Variants in SLC38A6 observed in about 807,000 individuals in gnomAD.
SLC38A6 encodes the protein solute carrier family 38 member 6.
SLC38A6 carries 73 observed loss-of-function variants against 65.0 expected under a neutral mutation model. That is an observed-to-expected ratio of 1.12 (90% CI 0.93 to 1.37). The LOEUF (loss-of-function observed/expected upper bound fraction) is 1.37, where lower values mean the gene tolerates loss of function less well. Among genes scored for constraint, SLC38A6 ranks in the 40% most tolerant of loss-of-function variants. The pLI, the probability that SLC38A6 is intolerant of heterozygous loss-of-function variation, is 0.00. For missense variants in SLC38A6, 561 were observed against 531.1 expected, an observed-to-expected ratio of 1.06 and a Z score of -0.55; for synonymous variants, 183 against 178.8, an observed-to-expected ratio of 1.02 and a Z score of -0.19.
intron 4 of SLC38A6, 30 bp downstream of exon 4, chr14:61,015,986 A>G: frequency 1.3e-6 from 2 of 1,570,006 alleles, no homozygotes; most frequent in Non-Finnish European, 1.7e-6. Flanking sequence ...ATTGTGTCCA[A>G]AACCCAAAGT....
chr14:60,996,959 T>C (rs2038339123), intron 3 of SLC38A6, among the ~76,000 whole-genome samples: 1 of 152,206 alleles, frequency 6.6e-6, no homozygotes, highest in East Asian at 1.9e-4. Flanking sequence ...TCAAAAATTT[T>C]TATTCACCCT....
At chr14:61,079,650 T>A (rs945348133) in intron 16 of SLC38A6, among the ~76,000 whole-genome samples, 4 of 152,094 alleles carry the variant, frequency 2.6e-5, no homozygotes, top group African/African-American at 9.7e-5. Flanking sequence ...ATATACAAAT[T>A]CTTGTATATT....
At chr14:61,008,797 TC>T (rs1429157231) in intron 3 of SLC38A6, among the ~76,000 whole-genome samples, 4 of 152,206 alleles carry the variant, frequency 2.6e-5, no homozygotes, top group African/African-American at 9.6e-5. Flanking sequence ...GAACACATTA[TC>T]ATCATTCTAG....
intron 1 of SLC38A6, 61 bp downstream of exon 1, chr14:60,981,443 C>T: frequency 1.3e-6 from 2 of 1,548,074 alleles, no homozygotes; most frequent in Admixed American, 3.9e-5. Flanking sequence ...AAGTGCCTGC[C>T]AAATAAGACC....
intron 15 of SLC38A6, among the ~76,000 whole-genome samples, chr14:61,068,644 G>T (rs1386785416): frequency 6.6e-6 from 1 of 152,208 alleles, no homozygotes; most frequent in Non-Finnish European, 1.5e-5. Context: ...TTATGGTCAT[G>T]ACCGTCTTAT....
intron 3 of SLC38A6, among the ~76,000 whole-genome samples, chr14:60,998,574 G>A (rs1453762268): frequency 6.6e-6 from 1 of 152,186 alleles, no homozygotes; most frequent in East Asian, 1.9e-4. Flanking sequence ...AAATCCGTCT[G>A]TGACCTGATT....
intron 3 of SLC38A6, among the ~76,000 whole-genome samples, chr14:61,012,314 T>G (rs568422363): frequency 6.6e-6 from 1 of 152,190 alleles, no homozygotes; most frequent in South Asian, 2.1e-4. Flanking sequence ...ATCAATTTTG[T>G]TGATCTGTTC....
rs370821477 is a variant in SLC38A6, at chr14:60,982,611, T to G, written c.209T>G (p.Leu70Trp). 444 of 1,612,586 alleles carry G rather than the reference T, an allele frequency of 2.8e-4. 5 individuals are homozygous for G. The South Asian group carries it at 4.7e-3, about 17-fold the overall frequency. The stretch of plus-strand genomic sequence containing the variant: ...GGCATCCTTGGCTTAGCTTATGTTT[T>G]GGCTAATACCGGTGTCTTTGGATTT... Reference protein sequence around the residue: ...GSGILGLAYVLANTGVFGFSF... With the variant: ...GSGILGLAYVWANTGVFGFSF... Residue 70 changes from leucine (L) to tryptophan (W), a missense_variant, in exon 2 of 16, where the codon TTG (leucine) becomes TGG (tryptophan). Physicochemically the swap from Leu to Trp is moderately conservative, Grantham distance 61. Transcript: ENST00000267488.
At chr14:61,061,605 T>C (rs1437548372) in intron 15 of SLC38A6, among the ~76,000 whole-genome samples, 2 of 152,242 alleles carry the variant, frequency 1.3e-5, no homozygotes, top group East Asian at 3.9e-4. Flanking sequence ...CTATAGTATG[T>C]AGCCTTTTCA....
chr14:61,013,805 C>G (rs768228957), intron 3 of SLC38A6, among the ~76,000 whole-genome samples: 59 of 152,194 alleles, frequency 3.9e-4, no homozygotes, highest in Non-Finnish European at 7.5e-4. Flanking sequence ...TTCTCTCTGG[C>G]TGCCCTTAAC....
At chr14:61,008,198 A>G (rs558395314) in intron 3 of SLC38A6, among the ~76,000 whole-genome samples, 4 of 152,198 alleles carry the variant, frequency 2.6e-5, no homozygotes, top group Non-Finnish European at 5.9e-5. Flanking sequence ...AAAGGGCTGT[A>G]TCATTCATGA....
chr14:61,034,975 A>G (rs2041253539), intron 6 of SLC38A6, among the ~76,000 whole-genome samples: 1 of 152,180 alleles, frequency 6.6e-6, no homozygotes, highest in Admixed American at 6.6e-5. Flanking sequence ...GTTAGAAGCC[A>G]CTGGTTGAAA....
rs150137616 is a variant in SLC38A6, at chr14:61,051,867, C to T, written c.1131C>T (p.Leu377=). ...WIRHFLITLA[L]NIIIVLLAIY... ...GCCATTTTTTGATCACTCTAGCACT[C>T]AATATTATCATCGTTTTACTTGCAA... Residue 377 remains leucine (L), a synonymous_variant, in exon 14 of 16, where the codon CTC becomes CTT. Coordinates refer to ENST00000267488, the MANE Select transcript of SLC38A6 (RefSeq NM_153811.3). 6.8e-6 allele frequency: 11 copies of T among 1,611,340 alleles called. No homozygotes were observed. In the African/African-American group the frequency reaches 1.1e-4, roughly 16 times the overall value.
intron 5 of SLC38A6, among the ~76,000 whole-genome samples, chr14:61,023,290 G>A (rs2040434362): frequency 6.6e-6 from 1 of 152,124 alleles, no homozygotes; most frequent in South Asian, 2.1e-4. Context: ...ATTGAAATAG[G>A]CTGGGTGTGG....
At chr14:61,013,251 A>C (rs2039721271) in intron 3 of SLC38A6, among the ~76,000 whole-genome samples, 1 of 152,062 alleles carries the variant, frequency 6.6e-6, no homozygotes, top group African/African-American at 2.4e-5. Context: ...ATCTTCCTCC[A>C]TCCCTTTATT....
chr14:61,035,413 T>C (rs1200049350), intron 6 of SLC38A6, among the ~76,000 whole-genome samples: 1 of 152,198 alleles, frequency 6.6e-6, no homozygotes, highest in African/African-American at 2.4e-5. Context: ...TAACATTCCA[T>C]TGAGTATGCT....
chr14:61,005,321 G>T (rs2039012641), intron 3 of SLC38A6, among the ~76,000 whole-genome samples: 1 of 66,952 alleles, frequency 1.5e-5, no homozygotes, highest in Admixed American at 1.6e-4. Flanking sequence ...AGTGTTGGAA[G>T]TTCTGGCCAG....
At chr14:61,066,342 T>C (rs1177935749) in intron 15 of SLC38A6, among the ~76,000 whole-genome samples, 1 of 152,150 alleles carries the variant, frequency 6.6e-6, no homozygotes, top group Non-Finnish European at 1.5e-5. Flanking sequence ...AATGTGTTTA[T>C]TATCACAGTA....
intron 3 of SLC38A6, among the ~76,000 whole-genome samples, chr14:61,006,279 G>A (rs1254661592): frequency 3.3e-5 from 5 of 152,146 alleles, no homozygotes; most frequent in African/African-American, 1.2e-4. Context: ...CAAGGACTTC[G>A]TGTCTAAAAC....
Sources: allele counts gnomAD v4.1 joint callset (sites outside exome capture counted in the v4.1 genomes callset), GRCh38; gene constraint gnomAD v4.1.1; transcripts MANE v1.5; gene names NCBI Gene and HGNC (gene_info 2026-07-23, HGNC 2026-07-21).